SUMO3: variants seen among roughly 807,000 people sequenced by gnomAD.
The protein encoded by SUMO3 is small ubiquitin-related modifier 3.
SUMO3 carries 2 observed loss-of-function variants against 11.1 expected under a neutral mutation model. The observed-to-expected ratio is 0.18, with a 90% confidence interval of 0.07 to 0.57. SUMO3 has a LOEUF of 0.57. SUMO3 is among the 20% of genes least tolerant of loss of function. The pLI is 0.92. For missense variants in SUMO3, 70 were observed against 132.8 expected, an observed-to-expected ratio of 0.53 and a Z score of 2.32; for synonymous variants, 56 against 53.5, an observed-to-expected ratio of 1.05 and a Z score of -0.20.
At chr21:44,808,679 G>A (rs1354306954) in intron 3 of SUMO3, 1 of 1,366,212 alleles carries the variant, frequency 7.3e-7, no homozygotes, top group Non-Finnish European at 9.5e-7. Flanking sequence ...CACGTCACTT[G>A]TGCAAGATGC....
At chr21:44,816,823 G>A (rs750619125) in intron 1 of SUMO3, among the ~76,000 whole-genome samples, 2 of 150,648 alleles carry the variant, frequency 1.3e-5, no homozygotes, top group Non-Finnish European at 3.0e-5. Flanking sequence ...GCGCATGGTG[G>A]GGGAGGCGCA....
chr21:44,813,248 T>C (rs1347636631), intron 2 of SUMO3, among the ~76,000 whole-genome samples: 2 of 151,890 alleles, frequency 1.3e-5, no homozygotes, highest in Admixed American at 6.5e-5. Context: ...CAGGGCTCCC[T>C]GGGGAAGGGC....
Position 44,811,852 on chromosome 21 carries a change from AG to A in SUMO3, c.150+2123del, listed in dbSNP as rs2083214108. Among the ~76,000 whole-genome samples the A allele has an allele frequency of 6.6e-6, 1 of 152,186 alleles. No homozygotes were observed. The highest frequency in any genetic ancestry group is 1.5e-5 in the Non-Finnish European group (1 of 68,036). On this transcript the variant is annotated intron_variant, in intron 2 of 3. Coordinates refer to ENST00000332859, the MANE Select transcript of SUMO3 (RefSeq NM_006936.3). The surrounding 1 kb of genome is among the most constrained non-coding windows in gnomAD (Gnocchi z 5.0). ...AGTCTGGAGAAGGATACAAATTATC[AG>A]AGAACTAACATAAGGCATATTTCCT...
intron 3 of SUMO3, chr21:44,808,708 C>T: frequency 2.3e-6 from 3 of 1,285,584 alleles, no homozygotes; most frequent in Non-Finnish European, 3.1e-6. Flanking sequence ...CACAAGAATC[C>T]AGCTGGCCCC....
rs970152990 is a variant in SUMO3, at chr21:44,806,700, C to G, written c.*251G>C. On this transcript the variant is annotated 3_prime_UTR_variant, in exon 4 of 4. Coordinates refer to ENST00000332859, the MANE Select transcript of SUMO3 (RefSeq NM_006936.3). ...GGGGGGGAAAACACAAATGAGCACA[C>G]AAAAGTACCCACAATATCTTGCAAC... 7.3e-6 allele frequency: 7 copies of G among 964,768 alleles called. No homozygotes were observed. In the African/African-American group the frequency reaches 1.2e-4, roughly 16 times the overall value. 59.8% of individuals were successfully genotyped at this position (964,768 alleles called of 1,614,324 possible). A position where few individuals can be genotyped will look rare whatever the true frequency, so the allele number is the denominator to read the frequency against.
Position 44,806,856 on chromosome 21 carries a change from C to G in SUMO3, c.*95G>C, listed in dbSNP as rs751299212. The G allele has an allele frequency of 3.2e-6, 5 of 1,546,026 alleles. No homozygotes were observed. The South Asian group carries it at 6.0e-5, about 18-fold the overall frequency. On this transcript the variant is annotated 3_prime_UTR_variant, in exon 4 of 4. Transcript: ENST00000332859. ...GGAAAATCATCGTGGTGAATGTCCT[C>G]GAGTTTCCGCAGACACCTTTGTGGT...
Position 44,815,499 on chromosome 21 carries a change from C to T in SUMO3, c.22-1395G>A, listed in dbSNP as rs77015779. 5.4e-3 allele frequency among the ~76,000 whole-genome samples: 818 copies of T among 152,278 alleles called. 11 individuals carry two copies. The highest frequency in any genetic ancestry group is 0.018 in the African/African-American group (765 of 41,556). Reference sequence around the variant, plus strand: ...AGCCTGAGTGGTGAGCTGGCACACCCCCATCTCCCCATCCCGAATGTGGCC... The same window carrying T: ...AGCCTGAGTGGTGAGCTGGCACACCTCCATCTCCCCATCCCGAATGTGGCC... On this transcript the variant is annotated intron_variant, in intron 1 of 3. Coordinates refer to ENST00000332859, the MANE Select transcript of SUMO3 (RefSeq NM_006936.3).
In SUMO3 at chr21:44,809,129, A is replaced by G. The variant is rs369290331; in HGVS notation, c.151-11T>C. 2.2e-5 allele frequency: 36 copies of G among 1,613,694 alleles called. No homozygotes were observed. The highest frequency in any genetic ancestry group is 3.1e-5 in the Non-Finnish European group (36 of 1,179,728). On this transcript the variant is annotated splice_polypyrimidine_tract_variant and intron_variant, in intron 2 of 3. Transcript: ENST00000332859. ...CCTCATTGACAAGCCCTGGAAAGGA[A>G]AAGCAGTGGCCATTAGTCTCACTGG...
chr21:44,809,838 T>C (rs756435148), intron 2 of SUMO3, among the ~76,000 whole-genome samples: 48 of 152,208 alleles, frequency 3.2e-4, no homozygotes, highest in Non-Finnish European at 3.7e-4. Flanking sequence ...GAATGGTCAA[T>C]TCAAACACTG....
chr21:44,809,436 C>T (rs533652851), intron 2 of SUMO3, among the ~76,000 whole-genome samples: 80 of 152,304 alleles, frequency 5.3e-4, no homozygotes, highest in African/African-American at 1.9e-3. Context: ...ATTTTCAACC[C>T]AGGTTTTGTT....
chr21:44,808,868 A>C, intron 3 of SUMO3, 179 bp downstream of exon 3: 1 of 701,698 alleles, frequency 1.4e-6, no homozygotes, highest in South Asian at 1.9e-5. Context: ...TCTGCAAAGC[A>C]GTTTTCTCAT....
chr21:44,811,006 A>G lies in SUMO3; in HGVS notation c.151-1888T>C, dbSNP rs2083207575. ...CCCATGCACACACCCACACATGCAC[A>G]CACCCACATATGCACACACGCACAC... On this transcript the variant is annotated intron_variant, in intron 2 of 3. Transcript: ENST00000332859. This position sits in a 1 kb window ranked among gnomAD's most constrained non-coding sequence, Gnocchi z 5.0. Among the ~76,000 whole-genome samples the G allele has an allele frequency of 8.8e-6, 1 of 113,764 alleles. No individual in the cohort carries two copies. Among genetic ancestry groups the G allele is most frequent in the South Asian group, 2.5e-4 (1 of 3,988 alleles). The allele number at this position is 113,764 out of a possible 152,430, so 74.6% of individuals were successfully genotyped here.
In SUMO3 at chr21:44,805,755, C is replaced by G. The variant is rs1260128955; in HGVS notation, c.*1196G>C. 1 of 152,602 alleles carries G rather than the reference C, an allele frequency of 6.6e-6. No homozygotes were observed. Among genetic ancestry groups the G allele is most frequent in the Non-Finnish European group, 1.5e-5 (1 of 68,046 alleles). The allele number at this position is 152,602 out of a possible 1,614,324, so 9.5% of individuals were successfully genotyped here. On this transcript the variant is annotated 3_prime_UTR_variant, in exon 4 of 4. Transcript: ENST00000332859. ...CAAACAGGAAATGAGAACATTTCAG[C>G]AAGATTTCAAGCAAGCAAGAGATGA...
rs180313 is a variant in SUMO3 at position 44,807,883 on chromosome 21, C to T, written c.223-843G>A. ...GAGGCCCTCCCTGCTCAGCTGCTCT[C>T]AGCAGCTTCTCCCTGGTGAACACTC... On this transcript the variant is annotated intron_variant, in intron 3 of 3. Transcript: ENST00000332859. The surrounding 1 kb of genome is among the most constrained non-coding windows in gnomAD (Gnocchi z 4.3). Among the ~76,000 whole-genome samples the T allele has an allele frequency of 0.042, 6,455 of 152,326 alleles. 181 individuals are homozygous for T. The highest frequency in any genetic ancestry group is 0.064 in the African/African-American group (2,657 of 41,568).
rs2083187347 is a variant in SUMO3, at chr21:44,807,884, A to G, written c.223-844T>C. ...AGGCCCTCCCTGCTCAGCTGCTCTC[A>G]GCAGCTTCTCCCTGGTGAACACTCC... On this transcript the variant is annotated intron_variant, in intron 3 of 3. Transcript: ENST00000332859. The surrounding 1 kb of genome is among the most constrained non-coding windows in gnomAD (Gnocchi z 4.3). Among the ~76,000 whole-genome samples, 1 of 152,204 alleles carries G rather than the reference A, an allele frequency of 6.6e-6. No individual in the cohort carries two copies. Among genetic ancestry groups the G allele is most frequent in the African/African-American group, 2.4e-5 (1 of 41,456 alleles).
chr21:44,818,040 C>T lies in SUMO3; in HGVS notation c.-72G>A. ...AGCGGGCGAGTCACGCTCTCGGCCC[C>T]GCCGCTCTCCCGCCGCAACTGTGCG... is the stretch of plus-strand genomic sequence containing the variant. On this transcript the variant is annotated 5_prime_UTR_variant, in exon 1 of 4. Transcript: ENST00000332859. 1 of 1,128,342 alleles carries T rather than the reference C, an allele frequency of 8.9e-7. No individual in the cohort carries two copies. The highest frequency in any genetic ancestry group is 1.1e-6 in the Non-Finnish European group (1 of 909,998). The allele number at this position is 1,128,342 out of a possible 1,614,324, so 69.9% of individuals were successfully genotyped here. A position where few individuals can be genotyped will look rare whatever the true frequency, so the allele number is the denominator to read the frequency against.
At chr21:44,809,988 A>C (rs141301031) in intron 2 of SUMO3, among the ~76,000 whole-genome samples, 9 of 152,266 alleles carry the variant, frequency 5.9e-5, no homozygotes, top group Non-Finnish European at 1.2e-4. Context: ...TTGTGTGCCA[A>C]TGAGGGACAG....
chr21:44,814,712 G>A (rs1399003170), intron 1 of SUMO3, among the ~76,000 whole-genome samples: 2 of 152,196 alleles, frequency 1.3e-5, no homozygotes, highest in African/African-American at 4.8e-5. Context: ...CCCCACAGCA[G>A]GCGGCCAGGC....
At position 44,807,029 on chromosome 21, in the gene SUMO3, C is replaced by T. The variant is rs1710560338; in HGVS notation, c.234G>A (p.Glu78=). The change falls in exon 4 of 4, where the codon GAG becomes GAA. Residue 78 remains glutamate, a synonymous_variant. Transcript: ENST00000332859. The surrounding 1 kb of genome is among the most constrained non-coding windows in gnomAD (Gnocchi z 4.3). The part of the protein sequence containing the change: ...ETDTPAQLEM[E]DEDTIDVFQQ... ...GGAACACGTCGATGGTGTCCTCGTC[C>T]TCCATCTCCAGCTGTCATGGTTGTC... 3 of 1,613,874 alleles carry T rather than the reference C, an allele frequency of 1.9e-6. No individual in the cohort carries two copies. The highest frequency in any genetic ancestry group is 2.2e-5 in the South Asian group (2 of 91,080).
Sources: gnomAD v4.1 joint callset for allele counts (sites outside exome capture counted in the v4.1 genomes callset) on GRCh38, gnomAD v4.1.1 for gene constraint, Gnocchi (gnomAD v3.1) non-coding constraint, MANE v1.5 for transcripts, NCBI Gene and HGNC (gene_info 2026-07-23, HGNC 2026-07-21) for gene names.